The following ANKS1B variants were observed in gnomAD, a reference collection of about 807,000 sequenced individuals.
ANKS1B encodes the protein ankyrin repeat and sterile alpha motif domain-containing protein 1B.
In ANKS1B, 36 loss-of-function variants were observed where a neutral mutation model predicts 148.3. That is an observed-to-expected ratio of 0.24 (90% CI 0.19 to 0.32). The LOEUF is 0.32. Among genes scored for constraint, ANKS1B ranks in the 10% least tolerant of loss-of-function variants. The pLI is 1.00. For missense variants in ANKS1B, 1,157 were observed against 1,542.6 expected (o/e 0.75, Z 4.19); for synonymous variants, 542 against 560.8 (o/e 0.97, Z 0.47).
intron 15 of ANKS1B, among the ~76,000 whole-genome samples, chr12:99,123,587 A>C (rs1264505349): frequency 2.6e-5 from 4 of 152,192 alleles, no homozygotes; most frequent in Non-Finnish European, 5.9e-5. Context: ...CCAAACCTCA[A>C]AAGTAGGAAG....
chr12:98,744,983 A>G lies in ANKS1B; in HGVS notation c.*756T>C, dbSNP rs953695659. The G allele has an allele frequency of 3.0e-6, 3 of 985,722 alleles. No homozygotes were observed. The highest frequency in any genetic ancestry group is 3.6e-6 in the Non-Finnish European group (3 of 829,934). The allele number at this position is 985,722 out of a possible 1,614,324, so 61.1% of individuals were successfully genotyped here. ...AATTATTTGAAATGAAACCAGAAAC[A>G]TCCCTCGCAACTAACCTAGTTTTCT... On this transcript the variant is annotated 3_prime_UTR_variant, in exon 27 of 27. Coordinates refer to ENST00000683438, the MANE Select transcript of ANKS1B (RefSeq NM_001352186.2).
rs1388603790 is a variant in ANKS1B at position 98,744,099 on chromosome 12, T to G, written c.*1640A>C. On this transcript the variant is annotated 3_prime_UTR_variant, in exon 27 of 27. Transcript: ENST00000683438. The stretch of plus-strand genomic sequence containing the variant: ...ACATATGCTTCTGTTTCAGCAAAGC[T>G]CCTATTAACTTTGCTCCTATACAAT... The G allele has an allele frequency of 7.1e-6, 7 of 985,190 alleles. No individual in the cohort carries two copies. In the South Asian group the frequency reaches 2.8e-4, roughly 40 times the overall value. The allele number at this position is 985,190 out of a possible 1,614,324, so 61.0% of individuals were successfully genotyped here. A position where few individuals can be genotyped will look rare whatever the true frequency, so the allele number is the denominator to read the frequency against.
chr12:99,033,614 A>T (rs535419613), intron 17 of ANKS1B, among the ~76,000 whole-genome samples: 127 of 152,232 alleles, frequency 8.3e-4, no homozygotes, highest in Non-Finnish European at 1.4e-3. Context: ...CAGTGAGCCA[A>T]GATCGCACCA....
At chr12:99,221,267 G>A (rs1189380027) in intron 14 of ANKS1B, among the ~76,000 whole-genome samples, 1 of 152,168 alleles carries the variant, frequency 6.6e-6, no homozygotes, top group Non-Finnish European at 1.5e-5. Context: ...GTGAACCCGG[G>A]AGGTGGAGCT....
intron 10 of ANKS1B, among the ~76,000 whole-genome samples, chr12:99,462,466 C>A (rs1237776995): frequency 1.4e-4 from 22 of 152,190 alleles, no homozygotes; most frequent in Admixed American, 1.3e-3. Flanking sequence ...TTCCCTTTAA[C>A]AGGTGTTGCC....
chr12:99,504,609 C>T lies in ANKS1B; in HGVS notation c.1305G>A (p.Met435Ile). ...ESYPKKRNYT[M>I]EIVPSASLDT... is the part of the protein sequence containing the mutation. ...CCAGAGAAGCAGATGGTACAATTTC[C>T]ATAGTGTAATTTCTCTTCTTTGGAT... is the stretch of plus-strand genomic sequence containing the variant. Residue 435 changes from methionine (M) to isoleucine (I), a missense_variant, in exon 10 of 27, where the codon ATG becomes ATA. Met to Ile is a conservative substitution (Grantham distance 10). Around this residue, in one of 6 missense-constraint regions of ANKS1B, gnomAD observed 661 missense variants for 642.1 expected, o/e 1.03. Transcript: ENST00000683438. The T allele has an allele frequency of 6.2e-7, 1 of 1,605,282 alleles. No individual in the cohort carries two copies. The highest frequency in any genetic ancestry group is 8.5e-7 in the Non-Finnish European group (1 of 1,175,690).
intron 17 of ANKS1B, among the ~76,000 whole-genome samples, chr12:98,868,423 A>T (rs2099636601): frequency 6.6e-6 from 1 of 152,248 alleles, no homozygotes; most frequent in Non-Finnish European, 1.5e-5. Context: ...CTTTTGCAGG[A>T]TGCACATGTT....
At chr12:99,239,676 G>A (rs1294641430) in intron 14 of ANKS1B, among the ~76,000 whole-genome samples, 1 of 152,108 alleles carries the variant, frequency 6.6e-6, no homozygotes, top group East Asian at 1.9e-4. Context: ...AGAAAGGTTG[G>A]GTTACCCACA....
chr12:99,075,920 AAT>A (rs1216658248), intron 16 of ANKS1B, among the ~76,000 whole-genome samples: 1 of 149,214 alleles, frequency 6.7e-6, no homozygotes, highest in Non-Finnish European at 1.5e-5. Context: ...ATAGGAATAT[AAT>A]ATGTTAATGT....
chr12:99,939,767 A>C (rs1044810478), intron 1 of ANKS1B, among the ~76,000 whole-genome samples: 3 of 152,206 alleles, frequency 2.0e-5, no homozygotes, highest in Admixed American at 1.3e-4. Flanking sequence ...AAATTCAGTT[A>C]GTTACGTGTT....
intron 12 of ANKS1B, among the ~76,000 whole-genome samples, chr12:99,330,098 T>C (rs2087214436): frequency 6.6e-6 from 1 of 151,966 alleles, no homozygotes; most frequent in African/African-American, 2.4e-5. Context: ...CAGTTCACCT[T>C]ATCTAAGTAA....
Position 99,984,252 on chromosome 12 carries a change from T to TC in ANKS1B, c.-16dup. On this transcript the variant is annotated 5_prime_UTR_variant, in exon 1 of 27. Coordinates refer to ENST00000683438, the MANE Select transcript of ANKS1B (RefSeq NM_001352186.2). ...TCCTTCCCCATAGTCTCTCACCGAC[T>TC]CCCCCACAGAGTCCTTGCCCCCCTC... 1.9e-6 allele frequency: 3 copies of TC among 1,608,436 alleles called. No homozygotes were observed. Among genetic ancestry groups the TC allele is most frequent in the Non-Finnish European group, 8.5e-7 (1 of 1,177,048 alleles).
chr12:99,407,058 G>A lies in ANKS1B; in HGVS notation c.1576-7247C>T, dbSNP rs537441665. ...CTGGTATTACCCTGATACCAAAACC[G>A]GACAAAGACACATCAAAAACAGAAA... On this transcript the variant is annotated intron_variant, in intron 11 of 26. Coordinates refer to ENST00000683438, the MANE Select transcript of ANKS1B (RefSeq NM_001352186.2). Among the ~76,000 whole-genome samples the A allele has an allele frequency of 4.1e-5, 6 of 145,720 alleles. 1 individual carries two copies. The highest frequency in any genetic ancestry group is 6.1e-5 in the Non-Finnish European group (4 of 65,842).
intron 10 of ANKS1B, among the ~76,000 whole-genome samples, chr12:99,500,144 C>T (rs759329665): frequency 6.6e-6 from 1 of 152,214 alleles, no homozygotes; most frequent in Non-Finnish European, 1.5e-5. Flanking sequence ...CTCACTCCCT[C>T]TCTCTGTGCA....
chr12:99,283,087 C>T (rs1229567448), intron 12 of ANKS1B, among the ~76,000 whole-genome samples: 2 of 152,150 alleles, frequency 1.3e-5, no homozygotes, highest in African/African-American at 4.8e-5. Context: ...GTTTAGAATG[C>T]AAGTCTTCAT....
At chr12:98,738,509 C>T (rs1230572906) in intron 9 of ANKS1B, among the ~76,000 whole-genome samples, 1 of 152,184 alleles carries the variant, frequency 6.6e-6, no homozygotes, top group Non-Finnish European at 1.5e-5. Context: ...ATGTTTATCG[C>T]CGCTCCACTC....
At chr12:99,947,169 C>T (rs1438406886) in intron 1 of ANKS1B, among the ~76,000 whole-genome samples, 1 of 150,902 alleles carries the variant, frequency 6.6e-6, no homozygotes, top group Non-Finnish European at 1.5e-5. Flanking sequence ...TGAAATAGGT[C>T]CTAAATTCAA....
At chr12:98,957,805 T>TGGGTTAA (rs1345521351) in intron 17 of ANKS1B, among the ~76,000 whole-genome samples, 4 of 152,296 alleles carry the variant, frequency 2.6e-5, no homozygotes, top group Admixed American at 1.3e-4. Context: ...GATAAAGATG[T>TGGGTTAA]GGGTTAAAGA....
chr12:98,747,218 T>C (rs947810353), intron 26 of ANKS1B, among the ~76,000 whole-genome samples: 25 of 151,870 alleles, frequency 1.6e-4, no homozygotes, highest in African/African-American at 5.8e-4. Context: ...AATAACTCAA[T>C]AGCAAAAAAC....
Sources: allele counts gnomAD v4.1 joint callset (sites outside exome capture counted in the v4.1 genomes callset), GRCh38; gene constraint gnomAD v4.1.1; regional missense constraint gnomAD v4.1.1; transcripts MANE v1.5; gene names NCBI Gene and HGNC (gene_info 2026-07-23, HGNC 2026-07-21).